PBRM1: variants seen among roughly 807,000 people sequenced by gnomAD.
PBRM1 encodes the protein protein polybromo-1.
In PBRM1, 27 loss-of-function variants were observed where a neutral mutation model predicts 194.5. That is an observed-to-expected ratio of 0.14 (90% confidence interval 0.10 to 0.19). The LOEUF (loss-of-function observed/expected upper bound fraction) is 0.19, where lower values mean the gene tolerates loss of function less well. Among genes scored for constraint, PBRM1 ranks in the 10% least tolerant of loss-of-function variants. The pLI, the probability that PBRM1 is intolerant of heterozygous loss-of-function variation, is 1.00. For synonymous variants in PBRM1, 655 were observed against 693.2 expected (o/e 0.94, Z 0.87); for missense variants, 1,466 against 2,077.2 (o/e 0.71, Z 5.72).
At chr3:52,581,376 G>A (rs2091125710) in intron 20 of PBRM1, among the ~76,000 whole-genome samples, 1 of 152,018 alleles carries the variant, frequency 6.6e-6, no homozygotes, top group East Asian at 1.9e-4. Context: ...CAGGCATGAT[G>A]GTGCGCGCCT....
At chr3:52,578,220 A>G (rs2090194348) in intron 21 of PBRM1, among the ~76,000 whole-genome samples, 2 of 151,458 alleles carry the variant, frequency 1.3e-5, no homozygotes, top group South Asian at 2.1e-4. Flanking sequence ...GTTCTCCTCT[A>G]TTTTTTCTAC....
chr3:52,553,076 T>C (rs1228274069), intron 27 of PBRM1, among the ~76,000 whole-genome samples: 1 of 152,154 alleles, frequency 6.6e-6, no homozygotes, highest in East Asian at 1.9e-4. Flanking sequence ...AAAGCATCAT[T>C]TGGTACCCTG....
intron 2 of PBRM1, among the ~76,000 whole-genome samples, chr3:52,674,643 A>AAAAAAAAAT (rs1193129880): frequency 1.5e-4 from 11 of 72,392 alleles, no homozygotes; most frequent in African/African-American, 4.1e-4. Flanking sequence ...AAAAAAAAAA[A>AAAAAAAAAT]ATATATATAT....
At chr3:52,600,645 A>G (rs1385767345) in intron 17 of PBRM1, among the ~76,000 whole-genome samples, 1 of 152,072 alleles carries the variant, frequency 6.6e-6, no homozygotes, top group African/African-American at 2.4e-5. Flanking sequence ...AATCTGATAA[A>G]TTACTTTGTT....
At position 52,642,873 on chromosome 3, in the gene PBRM1, G is replaced by A. The variant is rs902908230; in HGVS notation, c.995+375C>T. Among the ~76,000 whole-genome samples the A allele has an allele frequency of 2.0e-5, 3 of 149,702 alleles. No homozygotes were observed. The Admixed American group carries it at 2.0e-4, about 10-fold the overall frequency. On this transcript the variant is annotated intron_variant, in intron 9 of 29. Coordinates refer to ENST00000296302, the Ensembl canonical transcript of PBRM1. ...ACGATGTCGGCTCACTGCAAACTCC[G>A]CCTCCCGAGTTCAAGCGATTCTCCT... is the stretch of plus-strand genomic sequence containing the variant.
At chr3:52,634,917 T>G in intron 10 of PBRM1, 102 bp from the exon 12 acceptor site, 1 of 794,874 alleles carries the variant, frequency 1.3e-6, no homozygotes, top group African/African-American at 1.8e-5. Context: ...CTAAATATAT[T>G]TGAAAACTAT....
intron 10 of PBRM1, among the ~76,000 whole-genome samples, chr3:52,637,593 A>G (rs1230363997): frequency 6.6e-6 from 1 of 151,782 alleles, no homozygotes; most frequent in Non-Finnish European, 1.5e-5. Context: ...AGATCACGCC[A>G]CTGCACTCCA....
intron 17 of PBRM1, among the ~76,000 whole-genome samples, chr3:52,590,917 C>T (rs2092963900): frequency 6.6e-6 from 1 of 152,148 alleles, no homozygotes; most frequent in Non-Finnish European, 1.5e-5. Context: ...TTCCCATTTG[C>T]ATCTGTCATC....
intron 22 of PBRM1, among the ~76,000 whole-genome samples, chr3:52,569,372 G>A (rs549547337): frequency 5.7e-4 from 86 of 152,106 alleles, no homozygotes; most frequent in African/African-American, 2.0e-3. Flanking sequence ...CGCCATGCTC[G>A]GCTAACTTTT....
chr3:52,586,603 A>G (rs1390795242), exon 20 of PBRM1: 2 of 1,614,088 alleles, frequency 1.2e-6, no homozygotes, highest in Admixed American at 1.7e-5. Flanking sequence ...AATTTTCTTA[A>G]AAGATTTGGT....
At chr3:52,623,782 T>C (rs936484818) in intron 13 of PBRM1, among the ~76,000 whole-genome samples, 4 of 152,196 alleles carry the variant, frequency 2.6e-5, no homozygotes, top group African/African-American at 9.6e-5. Context: ...TAAGAACAGC[T>C]GGGATTGGAA....
chr3:52,603,394 C>A, intron 17 of PBRM1, 127 bp downstream of exon 19: 1 of 911,062 alleles, frequency 1.1e-6, no homozygotes, highest in Non-Finnish European at 1.6e-6. Flanking sequence ...CTCATTGCGT[C>A]TACTCTAATA....
At chr3:52,566,012 T>C (rs993166209) in intron 22 of PBRM1, among the ~76,000 whole-genome samples, 2 of 152,084 alleles carry the variant, frequency 1.3e-5, no homozygotes, top group Non-Finnish European at 2.9e-5. Context: ...ATTGCGCCAC[T>C]GCACTCCAGC....
intron 2 of PBRM1, among the ~76,000 whole-genome samples, chr3:52,673,365 T>C (rs890292088): frequency 6.6e-6 from 1 of 151,320 alleles, no homozygotes; most frequent in African/African-American, 2.4e-5. Flanking sequence ...ATTAAATAAT[T>C]TAAAAAACAT....
chr3:52,561,394 T>C (rs1326913185), intron 25 of PBRM1, among the ~76,000 whole-genome samples: 1 of 152,222 alleles, frequency 6.6e-6, no homozygotes, highest in Admixed American at 6.5e-5. Context: ...TCACTGATTT[T>C]AAGAGGCCCT....
intron 11 of PBRM1, among the ~76,000 whole-genome samples, chr3:52,633,239 G>C (rs1447664070): frequency 6.6e-6 from 1 of 151,560 alleles, no homozygotes; most frequent in East Asian, 1.9e-4. Context: ...TATGACTTCT[G>C]ATTGCACAAA....
intron 13 of PBRM1, among the ~76,000 whole-genome samples, chr3:52,622,898 A>G (rs1315005262): frequency 5.3e-5 from 8 of 152,204 alleles, no homozygotes; most frequent in Non-Finnish European, 1.2e-4. Flanking sequence ...CAATTCTTAT[A>G]TACAGTTGTA....
chr3:52,591,754 G>A (rs1347971136), intron 17 of PBRM1, among the ~76,000 whole-genome samples: 2 of 147,140 alleles, frequency 1.4e-5, no homozygotes, highest in East Asian at 2.0e-4. Flanking sequence ...TTCTCACCTC[G>A]TGATCCACCC....
chr3:52,642,907 C>T lies in PBRM1; in HGVS notation c.995+341G>A, dbSNP rs188365557. 1.5e-3 allele frequency among the ~76,000 whole-genome samples: 221 copies of T among 152,008 alleles called. 4 individuals are homozygous for T. In the East Asian group the frequency reaches 0.039, roughly 27 times the overall value. On this transcript the variant is annotated intron_variant, in intron 9 of 29. Coordinates refer to ENST00000296302, the Ensembl canonical transcript of PBRM1. ...GTTCAAGCGATTCTCCTGCCTCAGC[C>T]TCCCAAGTAGCTGGGATTACAGGCA... is the stretch of plus-strand genomic sequence containing the variant.
Sources: allele counts gnomAD v4.1 joint callset (sites outside exome capture counted in the v4.1 genomes callset), GRCh38; gene constraint gnomAD v4.1.1; transcripts MANE v1.5; gene names NCBI Gene and HGNC (gene_info 2026-07-23, HGNC 2026-07-21).